The following PDE8A variants were observed in gnomAD, a reference collection of about 807,000 sequenced individuals.
The protein encoded by PDE8A is phosphodiesterase 8A.
In PDE8A, 59 loss-of-function variants were observed where a neutral mutation model predicts 105.0. The observed-to-expected ratio is 0.56, with a 90% confidence interval of 0.46 to 0.70. The LOEUF (loss-of-function observed/expected upper bound fraction) is 0.70. Among genes scored for constraint, PDE8A ranks in the 30% least tolerant of loss-of-function variants. The pLI, the probability that PDE8A is intolerant of heterozygous loss-of-function variation, is 0.00. For synonymous variants in PDE8A, 355 were observed against 371.9 expected, an observed-to-expected ratio of 0.95 and a Z score of 0.52; for missense variants, 1,014 against 1,045.9, an observed-to-expected ratio of 0.97 and a Z score of 0.42.
chr15:85,083,294 T>G (rs1218181094), intron 5 of PDE8A, among the ~76,000 whole-genome samples: 1 of 147,740 alleles, frequency 6.8e-6, no homozygotes, highest in Middle Eastern at 3.3e-3. Context: ...TAACGGAAGA[T>G]GCTGAAAGAA....
intron 2 of PDE8A, among the ~76,000 whole-genome samples, chr15:85,065,721 C>T (rs555627981): frequency 6.6e-6 from 1 of 152,350 alleles, no homozygotes; most frequent in African/African-American, 2.4e-5. Context: ...CCCATCTCCT[C>T]CTTACCACTG....
chr15:85,123,389 G>A (rs1482115593), intron 19 of PDE8A, among the ~76,000 whole-genome samples, 196 bp downstream of exon 19: 7 of 127,942 alleles, frequency 5.5e-5, no homozygotes, highest in Admixed American at 5.4e-4. Context: ...CACACACAAA[G>A]GGGAGTTTAT....
chr15:85,084,204 C>T (rs2081512543), intron 6 of PDE8A, among the ~76,000 whole-genome samples: 1 of 152,130 alleles, frequency 6.6e-6, no homozygotes, highest in African/African-American at 2.4e-5. Context: ...GGGTGTTCAA[C>T]TATTCTTTAA....
chr15:85,054,199 G>A (rs2081022167), intron 1 of PDE8A, among the ~76,000 whole-genome samples: 1 of 152,150 alleles, frequency 6.6e-6, no homozygotes, highest in Non-Finnish European at 1.5e-5. Flanking sequence ...GCTTTTTGAT[G>A]TGCTGCTGGA....
chr15:85,061,752 T>A (rs1260664795), intron 1 of PDE8A, among the ~76,000 whole-genome samples: 2 of 152,204 alleles, frequency 1.3e-5, no homozygotes, highest in Non-Finnish European at 2.9e-5. Context: ...TTTCATGGTG[T>A]CCTTCAGGCA....
At chr15:85,121,035 G>A (rs1310869597) in intron 18 of PDE8A, 21 bp downstream of exon 18, 2 of 1,441,086 alleles carry the variant, frequency 1.4e-6, no homozygotes, top group South Asian at 1.2e-5. Flanking sequence ...TGATTGGGAA[G>A]TGTGTTGATC....
chr15:84,989,784 A>G (rs1044004656), intron 1 of PDE8A, among the ~76,000 whole-genome samples: 1 of 152,208 alleles, frequency 6.6e-6, no homozygotes, highest in South Asian at 2.1e-4. Context: ...ACTTGGTTCA[A>G]ATATATCTAT....
At chr15:85,126,423 C>A in intron 20 of PDE8A, 49 bp downstream of exon 20, 1 of 1,289,252 alleles carries the variant, frequency 7.8e-7, no homozygotes, top group South Asian at 2.3e-5. Context: ...GAGTTAAAAC[C>A]CATAAAATCA....
chr15:85,094,917 A>G (rs1284043920), intron 8 of PDE8A, among the ~76,000 whole-genome samples: 2 of 152,166 alleles, frequency 1.3e-5, no homozygotes, highest in Admixed American at 6.5e-5. Context: ...CATAGAGCTC[A>G]TAGTCCTCAG....
At chr15:85,027,039 G>A (rs1025620002) in intron 1 of PDE8A, among the ~76,000 whole-genome samples, 4 of 152,262 alleles carry the variant, frequency 2.6e-5, no homozygotes, top group East Asian at 1.9e-4. Flanking sequence ...GGTTACTATT[G>A]TGTGGTTCTT....
intron 1 of PDE8A, among the ~76,000 whole-genome samples, chr15:85,003,321 A>G (rs1000719928): frequency 3.9e-5 from 6 of 152,116 alleles, no homozygotes; most frequent in Non-Finnish European, 7.4e-5. Context: ...CTGGCCTCAC[A>G]TTTTATAACT....
At chr15:85,038,497 T>G (rs2080746916) in intron 1 of PDE8A, among the ~76,000 whole-genome samples, 1 of 152,134 alleles carries the variant, frequency 6.6e-6, no homozygotes, top group Non-Finnish European at 1.5e-5. Context: ...AAAATGAAAT[T>G]GCATCAAACT....
chr15:85,040,485 C>T (rs1004201420), intron 1 of PDE8A, among the ~76,000 whole-genome samples: 13 of 151,396 alleles, frequency 8.6e-5, no homozygotes, highest in Non-Finnish European at 1.9e-4. Flanking sequence ...TCTCTAGGCA[C>T]CTGTTCTAGT....
At chr15:85,072,489 C>T (rs187224570) in intron 3 of PDE8A, among the ~76,000 whole-genome samples, 1 of 152,152 alleles carries the variant, frequency 6.6e-6, no homozygotes, top group South Asian at 2.1e-4. Context: ...TTACAGCTGG[C>T]CAATGGACCT....
At chr15:85,009,446 A>C (rs1206781872) in intron 1 of PDE8A, among the ~76,000 whole-genome samples, 1 of 152,132 alleles carries the variant, frequency 6.6e-6, no homozygotes. Flanking sequence ...TTTGTAATGG[A>C]ATTTGTTGTC....
intron 3 of PDE8A, among the ~76,000 whole-genome samples, chr15:85,072,989 C>G (rs2081333982): frequency 6.6e-6 from 1 of 152,060 alleles, no homozygotes; most frequent in South Asian, 2.1e-4. Flanking sequence ...TGGCACTTGC[C>G]TGTAGTCCCA....
chr15:85,132,237 G>C (rs2141651538), intron 20 of PDE8A, among the ~76,000 whole-genome samples: 1 of 152,248 alleles, frequency 6.6e-6, no homozygotes, highest in South Asian at 2.1e-4. Context: ...CTCTCAAGTA[G>C]CTGAGGTTAC....
In PDE8A at chr15:85,038,765, A is replaced by T. The variant is rs1459542375; in HGVS notation, c.187-25605A>T. On this transcript the variant is annotated intron_variant, in intron 1 of 21. Coordinates refer to ENST00000394553, the MANE Select transcript of PDE8A (RefSeq NM_002605.3). Reference sequence around the variant, plus strand: ...GCTCAACACCTCTAATCATCAGAGAAATGCAAATTAAACCATAATGAAATA... The same window carrying T: ...GCTCAACACCTCTAATCATCAGAGATATGCAAATTAAACCATAATGAAATA... 7.2e-5 allele frequency among the ~76,000 whole-genome samples: 11 copies of T among 152,360 alleles called. No individual in the cohort carries two copies. In the East Asian group the frequency reaches 2.1e-3, roughly 29 times the overall value.
At chr15:85,134,340 G>A (rs1483813801) in intron 20 of PDE8A, among the ~76,000 whole-genome samples, 1 of 152,202 alleles carries the variant, frequency 6.6e-6, no homozygotes, top group African/African-American at 2.4e-5. Context: ...GGCACATCAG[G>A]AGAGCGCCCC....
Sources: allele counts gnomAD v4.1 joint callset (sites outside exome capture counted in the v4.1 genomes callset), GRCh38; gene constraint gnomAD v4.1.1; transcripts MANE v1.5; gene names NCBI Gene and HGNC (gene_info 2026-07-23, HGNC 2026-07-21).